CACNA1C: variants seen among roughly 807,000 people sequenced by gnomAD.
The protein encoded by CACNA1C is calcium voltage-gated channel subunit alpha1 C.
CACNA1C carries 30 observed loss-of-function variants against 229.0 expected under a neutral mutation model. That is an observed-to-expected ratio of 0.13 (90% CI 0.10 to 0.18). CACNA1C has a LOEUF of 0.18. Ranked by LOEUF, CACNA1C falls within the 10% of genes least tolerant of loss-of-function variation. The pLI is 1.00. For synonymous variants in CACNA1C, 1,114 were observed against 1,132.5 expected, an observed-to-expected ratio of 0.98 and a Z score of 0.33; for missense variants, 1,658 against 2,845.0, an observed-to-expected ratio of 0.58 and a Z score of 9.49.
chr12:2,072,823 G>A (rs7970066), intron 1 of CACNA1C, among the ~76,000 whole-genome samples: 116,094 of 152,108 alleles, frequency 0.76, 44,756 homozygotes, highest in African/African-American at 0.84. Flanking sequence ...CAGACTGTCA[G>A]TCAACAATCA....
chr12:2,311,090 G>T (rs1355092594), intron 3 of CACNA1C, among the ~76,000 whole-genome samples: 1 of 152,176 alleles, frequency 6.6e-6, no homozygotes, highest in Non-Finnish European at 1.5e-5. Flanking sequence ...AATCCACAGG[G>T]CATCACCCTT....
chr12:2,450,363 G>C (rs552190620), intron 4 of CACNA1C, among the ~76,000 whole-genome samples: 3 of 151,710 alleles, frequency 2.0e-5, no homozygotes, highest in Non-Finnish European at 4.4e-5. Flanking sequence ...GACCATCCTG[G>C]CTAACACGGT....
At chr12:2,683,355 A>G (rs2097274300) in intron 43 of CACNA1C, among the ~76,000 whole-genome samples, 1 of 152,198 alleles carries the variant, frequency 6.6e-6, no homozygotes, top group Non-Finnish European at 1.5e-5. Context: ...TCTCCTTGAG[A>G]AACATCTTTA....
chr12:2,186,880 G>A (rs1266484962), intron 3 of CACNA1C, among the ~76,000 whole-genome samples: 2 of 152,282 alleles, frequency 1.3e-5, no homozygotes, highest in Non-Finnish European at 2.9e-5. Context: ...CTGACCCAGA[G>A]TGTATTATCT....
intron 3 of CACNA1C, among the ~76,000 whole-genome samples, chr12:2,250,878 G>C (rs1202374801): frequency 1.3e-5 from 2 of 152,202 alleles, no homozygotes; most frequent in Non-Finnish European, 2.9e-5. Context: ...CCTTGAAGCT[G>C]TCCTCTCCCT....
intron 3 of CACNA1C, among the ~76,000 whole-genome samples, chr12:2,166,845 C>G (rs762652060): frequency 7.2e-5 from 11 of 152,208 alleles, no homozygotes; most frequent in Non-Finnish European, 1.5e-4. Flanking sequence ...AGGGAGAAGA[C>G]TAGGCAGCAG....
intron 38 of CACNA1C, among the ~76,000 whole-genome samples, chr12:2,674,188 A>G (rs570439090): frequency 2.6e-5 from 4 of 152,356 alleles, no homozygotes; most frequent in African/African-American, 9.6e-5. Context: ...TGGTGAGCGC[A>G]TGGCCGCCAT....
chr12:2,223,512 A>G (rs2062020271), intron 3 of CACNA1C: 1 of 152,226 alleles, frequency 6.6e-6, no homozygotes, highest in South Asian at 2.1e-4. Context: ...AAGTGTGTCA[A>G]TAGTGGGTTC....
chr12:2,561,921 CATAA>C (rs2047683809), intron 11 of CACNA1C, among the ~76,000 whole-genome samples: 1 of 152,218 alleles, frequency 6.6e-6, no homozygotes, highest in African/African-American at 2.4e-5. Context: ...CATATGTAAA[CATAA>C]ATAAATTTAC....
Position 2,233,227 on chromosome 12 carries a change from G to A in CACNA1C, c.477+112797G>A, listed in dbSNP as rs920647216. On this transcript the variant is annotated intron_variant, in intron 3 of 46. Coordinates refer to ENST00000399655, the MANE Select transcript of CACNA1C (RefSeq NM_000719.7). Reference sequence around the variant, plus strand: ...CGTGACTCTCCCACTTTGAGTCTCAGTGATCTTTAAGTTCTGTTGTGTCAC... The same window carrying A: ...CGTGACTCTCCCACTTTGAGTCTCAATGATCTTTAAGTTCTGTTGTGTCAC... 5.9e-5 allele frequency among the ~76,000 whole-genome samples: 9 copies of A among 152,234 alleles called. No homozygotes were observed. The East Asian group carries it at 9.6e-4, about 16-fold the overall frequency.
intron 3 of CACNA1C, among the ~76,000 whole-genome samples, chr12:2,289,552 A>G (rs2093212704): frequency 6.6e-6 from 1 of 152,170 alleles, no homozygotes; most frequent in Non-Finnish European, 1.5e-5. Flanking sequence ...AAATTCATTC[A>G]TGCCACAAAT....
rs1451903849 is a variant in CACNA1C, at chr12:2,386,321, T to C, written c.478-62655T>C. ...TTAAAGCTCCTCCGGTTGATTCTGATGAGCAGCAGAGTTGAGAAGCACCAG... is the reference window on the plus strand; with the variant it reads ...TTAAAGCTCCTCCGGTTGATTCTGACGAGCAGCAGAGTTGAGAAGCACCAG... On this transcript the variant is annotated intron_variant, in intron 3 of 46. Coordinates refer to ENST00000399655, the MANE Select transcript of CACNA1C (RefSeq NM_000719.7). Among the ~76,000 whole-genome samples the C allele has an allele frequency of 2.0e-5, 3 of 152,190 alleles. No individual in the cohort carries two copies. The South Asian group carries it at 6.2e-4, about 32-fold the overall frequency.
intron 3 of CACNA1C, among the ~76,000 whole-genome samples, chr12:2,284,090 C>T (rs1033310884): frequency 1.3e-5 from 2 of 152,164 alleles, no homozygotes; most frequent in South Asian, 2.1e-4. Context: ...GCTCCAGCCA[C>T]GAAACAGGAA....
In CACNA1C at chr12:2,679,430, C is replaced by T. The variant is rs776035894; in HGVS notation, c.5092-14C>T. ...TAAGGGGCTTCTCCACCCACCCCTC[C>T]TTCTTGCCTACAGAGGGCCGGTGGC... On this transcript the variant is annotated splice_polypyrimidine_tract_variant and intron_variant, in intron 41 of 46. Coordinates refer to ENST00000399655, the MANE Select transcript of CACNA1C (RefSeq NM_000719.7). The surrounding 1 kb of genome is among the most constrained non-coding windows in gnomAD (Gnocchi z 5.5). The T allele has an allele frequency of 1.3e-6, 2 of 1,515,704 alleles. No individual in the cohort carries two copies. Among genetic ancestry groups the T allele is most frequent in the Non-Finnish European group, 1.8e-6 (2 of 1,127,426 alleles). The allele number at this position is 1,515,704 out of a possible 1,614,324, so 93.9% of individuals were successfully genotyped here. A position where few individuals can be genotyped will look rare whatever the true frequency, so the allele number is the denominator to read the frequency against.
intron 4 of CACNA1C, among the ~76,000 whole-genome samples, chr12:2,454,195 G>T (rs187512864): frequency 2.6e-5 from 4 of 152,228 alleles, no homozygotes; most frequent in Non-Finnish European, 5.9e-5. Context: ...CTCTTGGTTC[G>T]CTCTACTTCA....
intron 3 of CACNA1C, among the ~76,000 whole-genome samples, chr12:2,307,142 G>A (rs1242161555): frequency 6.6e-6 from 1 of 152,082 alleles, no homozygotes; most frequent in Admixed American, 6.6e-5. Context: ...TTGTACCCTT[G>A]GGATGTGCAA....
intron 11 of CACNA1C, among the ~76,000 whole-genome samples, chr12:2,557,854 C>T (rs1041303383): frequency 1.3e-5 from 2 of 152,208 alleles, no homozygotes; most frequent in African/African-American, 4.8e-5. Context: ...GGGGTTATTT[C>T]CAGAGCACCC....
chr12:2,269,236 G>T (rs1166421522), intron 3 of CACNA1C, among the ~76,000 whole-genome samples: 1 of 152,218 alleles, frequency 6.6e-6, no homozygotes, highest in Non-Finnish European at 1.5e-5. Flanking sequence ...TCTAGAGCCA[G>T]GAGGGAGTCA....
intron 1 of CACNA1C, chr12:2,010,860 A>T (rs1211446479): frequency 6.6e-6 from 1 of 152,150 alleles, no homozygotes; most frequent in East Asian, 1.9e-4. Context: ...AAGAAAGAGG[A>T]AGTAGAGGTC....
Sources: allele counts gnomAD v4.1 joint callset (sites outside exome capture counted in the v4.1 genomes callset), GRCh38; gene constraint gnomAD v4.1.1; non-coding constraint Gnocchi (gnomAD v3.1); transcripts MANE v1.5; gene names NCBI Gene and HGNC (gene_info 2026-07-23, HGNC 2026-07-21).